Variants in ABLIM1 observed in about 807,000 individuals in gnomAD.
The protein encoded by ABLIM1 is actin-binding LIM protein 1.
A neutral mutation model predicts 107.0 loss-of-function variants in ABLIM1; 40 were observed. The observed-to-expected ratio is 0.37, with a 90% CI of 0.29 to 0.49. The LOEUF is 0.49. Among genes scored for constraint, ABLIM1 ranks in the 20% least tolerant of loss-of-function variants. The pLI, the probability that ABLIM1 is intolerant of heterozygous loss-of-function variation, is 0.97. For missense variants in ABLIM1, 857 were observed against 1,008.5 expected (o/e 0.85, Z 2.04); for synonymous variants, 357 against 357.3 (o/e 1.00, Z 0.01).
chr10:114,598,908 C>T (rs546867042), intron 2 of ABLIM1, among the ~76,000 whole-genome samples: 37 of 151,912 alleles, frequency 2.4e-4, no homozygotes, highest in African/African-American at 8.5e-4. Flanking sequence ...CACAGGTAAA[C>T]GTGTGCCAGC....
chr10:114,765,463 G>T (rs1011812321), intron 1 of ABLIM1, among the ~76,000 whole-genome samples: 1 of 152,090 alleles, frequency 6.6e-6, no homozygotes, highest in East Asian at 1.9e-4. Context: ...TCTTTTCAAG[G>T]ATCTAAAGGA....
chr10:114,720,620 A>G (rs1485057962), intron 1 of ABLIM1, among the ~76,000 whole-genome samples: 1 of 152,188 alleles, frequency 6.6e-6, no homozygotes, highest in Non-Finnish European at 1.5e-5. Flanking sequence ...GATCTTTGGG[A>G]AGGAATGACT....
chr10:114,476,644 CAAA>C (rs2056461910), intron 8 of ABLIM1, among the ~76,000 whole-genome samples: 1 of 48,732 alleles, frequency 2.1e-5, no homozygotes, highest in Admixed American at 2.4e-4. Context: ...AACTCTGCCT[CAAA>C]ATAATAATAA....
intron 1 of ABLIM1, among the ~76,000 whole-genome samples, chr10:114,623,107 G>A (rs1389281227): frequency 6.6e-6 from 1 of 152,036 alleles, no homozygotes; most frequent in Non-Finnish European, 1.5e-5. Flanking sequence ...CTACAGGCAT[G>A]CATCACCATG....
intron 2 of ABLIM1, chr10:114,595,157 A>C (rs917166651): frequency 1.3e-5 from 2 of 151,098 alleles, no homozygotes; most frequent in South Asian, 4.2e-4. Flanking sequence ...AAAAAAATAG[A>C]TCTTGGTCCT....
At chr10:114,636,552 A>T (rs1332050096) in intron 1 of ABLIM1, among the ~76,000 whole-genome samples, 5 of 152,196 alleles carry the variant, frequency 3.3e-5, no homozygotes, top group Non-Finnish European at 7.3e-5. Flanking sequence ...GTGTCTATCC[A>T]TTTATTTAAA....
the ABLIM1 span, among the ~76,000 whole-genome samples, chr10:114,786,918 C>T: frequency 1.3e-5 from 2 of 152,102 alleles, no homozygotes; most frequent in Non-Finnish European, 2.9e-5. Flanking sequence ...GGCGGCCACC[C>T]CGTCTGGGAA....
At chr10:114,661,986 A>G (rs892625487), upstream of ABLIM1, among the ~76,000 whole-genome samples, 2 of 152,322 alleles carry the variant, frequency 1.3e-5, no homozygotes, top group South Asian at 2.1e-4. Context: ...TTCATCAGTC[A>G]CAGTGATTCT....
intron 1 of ABLIM1, among the ~76,000 whole-genome samples, chr10:114,624,688 C>T (rs61867917): frequency 0.017 from 2,629 of 152,086 alleles, 28 homozygotes; most frequent in Middle Eastern, 0.058. Context: ...TTATTTATAT[C>T]GTAGAAATGA....
intron 13 of ABLIM1, among the ~76,000 whole-genome samples, chr10:114,452,812 T>G (rs1055656445): frequency 6.6e-6 from 1 of 152,356 alleles, no homozygotes; most frequent in South Asian, 2.1e-4. Flanking sequence ...AGAGCAAAGC[T>G]TGCAGCACCA....
chr10:114,571,701 G>T (rs911970648), intron 3 of ABLIM1, among the ~76,000 whole-genome samples: 2 of 152,106 alleles, frequency 1.3e-5, no homozygotes, highest in Non-Finnish European at 2.9e-5. Context: ...ATCTAGCAGG[G>T]CACACAGAAC....
intron 1 of ABLIM1, among the ~76,000 whole-genome samples, chr10:114,703,360 T>A (rs1033588242): frequency 6.6e-6 from 1 of 152,252 alleles, no homozygotes; most frequent in Non-Finnish European, 1.5e-5. Flanking sequence ...GCAGCTTATC[T>A]AACCTTGACT....
rs899603876 is a variant in ABLIM1, at chr10:114,491,845, G to A, written c.928C>T (p.Arg310Ter). The change falls in exon 7 of 23, where the codon CGA becomes TGA. Residue 310 changes from arginine (R) to a stop codon, truncating the protein, a stop_gained. Coordinates refer to ENST00000533213, the MANE Select transcript of ABLIM1 (RefSeq NM_002313.7). LOFTEE classifies it high-confidence loss of function. ...GDKHYHPSCARCSRCNQMFTE... is the reference protein window; with the variant it reads ...GDKHYHPSCA ...AACATCTGGTTGCATCTGCTGCATC[G>A]TGCACAGCTGGGGTGGTAATGTTTG... is the stretch of plus-strand genomic sequence containing the variant. 4 of 1,611,508 alleles carry A rather than the reference G, an allele frequency of 2.5e-6. No homozygotes were observed. The highest frequency in any genetic ancestry group is 2.5e-6 in the Non-Finnish European group (3 of 1,178,086).
upstream of ABLIM1, among the ~76,000 whole-genome samples, chr10:114,661,954 A>G (rs1429911326): frequency 6.6e-6 from 1 of 152,184 alleles, no homozygotes; most frequent in East Asian, 1.9e-4. Context: ...CGGCGAACAG[A>G]TGCCTCAATT....
At chr10:114,569,246 T>C (rs1448565097) in intron 4 of ABLIM1, among the ~76,000 whole-genome samples, 3 of 152,092 alleles carry the variant, frequency 2.0e-5, no homozygotes, top group Non-Finnish European at 4.4e-5. Context: ...ATGGGCCTTG[T>C]GGACGTGTTC....
At chr10:114,439,949 AG>A (rs2059961031) in intron 20 of ABLIM1, 132 bp downstream of exon 20, 2 of 1,470,782 alleles carry the variant, frequency 1.4e-6, no homozygotes, top group South Asian at 2.4e-5. Flanking sequence ...ACGGCTATAG[AG>A]TAATGACTAG....
the ABLIM1 span, among the ~76,000 whole-genome samples, chr10:114,792,843 CA>C: frequency 6.6e-6 from 1 of 152,276 alleles, no homozygotes; most frequent in East Asian, 1.9e-4. Flanking sequence ...TGTCACCACC[CA>C]AATCTCATGT....
In ABLIM1 at chr10:114,583,134, A is replaced by G. The variant is rs146938305; in HGVS notation, c.380-7535T>C. The stretch of plus-strand genomic sequence containing the variant: ...TGCATCCAACAAAAGTCTATTATAC[A>G]GAATCTATAAGGAATTTAATTCTAC... On this transcript the variant is annotated intron_variant, in intron 2 of 22. Transcript: ENST00000533213. Among the ~76,000 whole-genome samples, 1,017 of 152,082 alleles carry G rather than the reference A, an allele frequency of 6.7e-3. 9 individuals are homozygous for G. Among genetic ancestry groups the G allele is most frequent in the African/African-American group, 0.023 (974 of 41,490 alleles).
chr10:114,627,524 C>T (rs971150146), intron 1 of ABLIM1, among the ~76,000 whole-genome samples: 1 of 152,070 alleles, frequency 6.6e-6, no homozygotes, highest in Non-Finnish European at 1.5e-5. Flanking sequence ...CTTTGCCTAA[C>T]ACAGAAAGGG....
Sources: gnomAD v4.1 joint callset for allele counts (sites outside exome capture counted in the v4.1 genomes callset) on GRCh38, gnomAD v4.1.1 for gene constraint, MANE v1.5 for transcripts, NCBI Gene and HGNC (gene_info 2026-07-23, HGNC 2026-07-21) for gene names.